PRKAR2B: variants seen among roughly 807,000 people sequenced by gnomAD.
PRKAR2B encodes protein kinase cAMP-dependent type II regulatory subunit beta.
In PRKAR2B, 14 loss-of-function variants were observed where a neutral mutation model predicts 49.9. The ratio of observed to expected loss-of-function variants is 0.28; its 90% CI spans 0.19 to 0.44. The LOEUF (loss-of-function observed/expected upper bound fraction) is 0.44, where lower values mean the gene tolerates loss of function less well. Ranked by LOEUF, PRKAR2B falls within the 20% of genes least tolerant of loss-of-function variation. The pLI, the probability that PRKAR2B is intolerant of heterozygous loss-of-function variation, is 1.00. For missense variants in PRKAR2B, 393 were observed against 537.9 expected (o/e 0.73, Z 2.67); for synonymous variants, 196 against 197.7 (o/e 0.99, Z 0.07).
At chr7:107,136,711 A>G (rs1344472866) in intron 4 of PRKAR2B, among the ~76,000 whole-genome samples, 2 of 152,224 alleles carry the variant, frequency 1.3e-5, no homozygotes, top group Admixed American at 6.5e-5. Flanking sequence ...TGAGAATGCA[A>G]AATGCAAAAT....
rs537610338 is a variant in PRKAR2B, at chr7:107,052,121, A to G, written c.307+6907A>G. ...TATTATAGAAAACTAATGTCTTTTAAATGGTGTCCTTTTAGGCCGGGCACG... is the reference window on the plus strand; with the variant it reads ...TATTATAGAAAACTAATGTCTTTTAGATGGTGTCCTTTTAGGCCGGGCACG... On this transcript the variant is annotated intron_variant, in intron 1 of 10. Coordinates refer to ENST00000265717, the MANE Select transcript of PRKAR2B (RefSeq NM_002736.3). Among the ~76,000 whole-genome samples the G allele has an allele frequency of 2.6e-5, 4 of 152,312 alleles. 1 individual carries two copies. Among genetic ancestry groups the G allele is most frequent in the South Asian group, 2.1e-4 (1 of 4,824 alleles).
At chr7:107,063,483 A>G (rs866520459) in intron 1 of PRKAR2B, among the ~76,000 whole-genome samples, 1 of 152,198 alleles carries the variant, frequency 6.6e-6, no homozygotes, top group East Asian at 1.9e-4. Context: ...GGAGACAGAC[A>G]ATAAACATAA....
intron 6 of PRKAR2B, among the ~76,000 whole-genome samples, chr7:107,146,732 C>G (rs1795901069): frequency 6.6e-6 from 1 of 152,154 alleles, no homozygotes. Context: ...GTCTTACCCA[C>G]TCTTAGAAAA....
chr7:107,063,838 CAT>C (rs1245453275), intron 1 of PRKAR2B, among the ~76,000 whole-genome samples: 1 of 152,154 alleles, frequency 6.6e-6, no homozygotes, highest in Non-Finnish European at 1.5e-5. Context: ...ACTTTATAGA[CAT>C]GTAGCAATTT....
chr7:107,101,890 T>C (rs1165570664), intron 2 of PRKAR2B, among the ~76,000 whole-genome samples: 1 of 150,998 alleles, frequency 6.6e-6, no homozygotes, highest in African/African-American at 2.4e-5. Flanking sequence ...TTTTTTTTTT[T>C]TTTTTTTTCC....
intron 1 of PRKAR2B, among the ~76,000 whole-genome samples, chr7:107,052,913 C>T (rs911829781): frequency 1.3e-5 from 2 of 152,186 alleles, no homozygotes; most frequent in African/African-American, 4.8e-5. Flanking sequence ...TCACTGCAGC[C>T]TCTGCCTCTG....
At chr7:107,146,168 A>G (rs1159409995) in intron 5 of PRKAR2B, 140 bp from the exon 6 acceptor site, 6 of 845,258 alleles carry the variant, frequency 7.1e-6, no homozygotes, top group African/African-American at 6.9e-5. Flanking sequence ...GATGGCACAG[A>G]TTGATTCCCC....
In PRKAR2B at chr7:107,046,831, C is replaced by CAT. The variant is rs113417055; in HGVS notation, c.307+1632_307+1633dup. ...AGGAACTAAGGGGCTTGGTAAAGAC[C>CAT]ATATATATATATATATTCTGTATGA... is the stretch of plus-strand genomic sequence containing the variant. On this transcript the variant is annotated intron_variant, in intron 1 of 10. Coordinates refer to ENST00000265717, the MANE Select transcript of PRKAR2B (RefSeq NM_002736.3). Among the ~76,000 whole-genome samples, 660 of 149,184 alleles carry CAT rather than the reference C, an allele frequency of 4.4e-3. 3 individuals are homozygous for CAT. The highest frequency in any genetic ancestry group is 0.01 in the Middle Eastern group (3 of 290).
In PRKAR2B at chr7:107,128,301, A is replaced by T. The variant is rs1389288445; in HGVS notation, c.480+6A>T. ...TGTTTAAGAATCTGGATCCGGTAAG[A>T]TAAATCTTAATAATAGAAATGGCTT... On this transcript the variant is annotated splice_donor_region_variant and intron_variant, in intron 4 of 10. Coordinates refer to ENST00000265717, the MANE Select transcript of PRKAR2B (RefSeq NM_002736.3). 1 of 1,584,068 alleles carries T rather than the reference A, an allele frequency of 6.3e-7. No homozygotes were observed. Among genetic ancestry groups the T allele is most frequent in the Non-Finnish European group, 8.7e-7 (1 of 1,152,836 alleles).
intron 1 of PRKAR2B, among the ~76,000 whole-genome samples, chr7:107,063,972 A>C (rs1412819076): frequency 1.3e-5 from 2 of 152,198 alleles, no homozygotes; most frequent in African/African-American, 4.8e-5. Context: ...GTACAGACTT[A>C]AAAGAGACAG....
intron 3 of PRKAR2B, among the ~76,000 whole-genome samples, chr7:107,122,699 T>C (rs974175856): frequency 6.6e-5 from 10 of 152,314 alleles, no homozygotes; most frequent in African/African-American, 9.6e-5. Context: ...CAAAAACTTA[T>C]TTTTGTAGCT....
chr7:107,053,380 T>C (rs573512085), intron 1 of PRKAR2B, among the ~76,000 whole-genome samples: 35 of 152,252 alleles, frequency 2.3e-4, no homozygotes, highest in South Asian at 1.2e-3. Flanking sequence ...TCCCAACATA[T>C]AGCCTTATAC....
chr7:107,104,228 T>C (rs1795030460), intron 2 of PRKAR2B, among the ~76,000 whole-genome samples: 1 of 151,982 alleles, frequency 6.6e-6, no homozygotes, highest in African/African-American at 2.4e-5. Context: ...AGAGATGGGG[T>C]TTCACTGTGT....
At chr7:107,143,922 C>A (rs553542124) in intron 5 of PRKAR2B, among the ~76,000 whole-genome samples, 2 of 152,242 alleles carry the variant, frequency 1.3e-5, no homozygotes, top group South Asian at 4.1e-4. Flanking sequence ...TATAACACTT[C>A]TGGTCCCAAG....
At chr7:107,121,312 C>T (rs1249296260) in intron 2 of PRKAR2B, among the ~76,000 whole-genome samples, 1 of 151,994 alleles carries the variant, frequency 6.6e-6, no homozygotes, top group Non-Finnish European at 1.5e-5. Context: ...TATAAGCCAG[C>T]TAAATGTTCA....
intron 10 of PRKAR2B, among the ~76,000 whole-genome samples, chr7:107,158,464 T>C (rs1324197374): frequency 2.0e-5 from 3 of 152,224 alleles, no homozygotes; most frequent in Non-Finnish European, 4.4e-5. Flanking sequence ...CAAACAACTT[T>C]TAAAGTTCAT....
intron 2 of PRKAR2B, among the ~76,000 whole-genome samples, chr7:107,099,596 G>C (rs1036415337): frequency 6.6e-6 from 1 of 151,694 alleles, no homozygotes; most frequent in Non-Finnish European, 1.5e-5. Flanking sequence ...CCTGGGAGCT[G>C]TAGACTGGAG....
chr7:107,084,460 G>A (rs937495450), intron 2 of PRKAR2B, among the ~76,000 whole-genome samples: 1 of 151,906 alleles, frequency 6.6e-6, no homozygotes, highest in Non-Finnish European at 1.5e-5. Flanking sequence ...GTAAAGCGTA[G>A]TATTCATTTA....
At chr7:107,141,545 A>G (rs1192053822) in intron 5 of PRKAR2B, among the ~76,000 whole-genome samples, 1 of 152,126 alleles carries the variant, frequency 6.6e-6, no homozygotes, top group Non-Finnish European at 1.5e-5. Context: ...AAAAAAAATT[A>G]GCCAGGTGTG....
Sources: allele counts gnomAD v4.1 joint callset (sites outside exome capture counted in the v4.1 genomes callset), GRCh38; gene constraint gnomAD v4.1.1; transcripts MANE v1.5; gene names NCBI Gene and HGNC (gene_info 2026-07-23, HGNC 2026-07-21).